SPRR2B: variants seen among roughly 807,000 people sequenced by gnomAD.
SPRR2B encodes small proline-rich protein 2B.
In SPRR2B, 1 loss-of-function variant was observed where a neutral mutation model predicts 1.0. That is an observed-to-expected ratio of 1.01 (90% CI 0.36 to 4.77). The LOEUF (loss-of-function observed/expected upper bound fraction) is 4.77. SPRR2B is among the 30% of genes most tolerant of loss of function. SPRR2B has a pLI of 0.16. For synonymous variants in SPRR2B, 27 were observed against 33.4 expected (o/e 0.81, Z 0.66); for missense variants, 53 against 88.7 (o/e 0.60, Z 1.62).
chr1:153,070,793 G>A lies in SPRR2B; in HGVS notation c.47C>T (p.Pro16Leu), dbSNP rs1654646904. ...TGGGCACTTTGGCGTGGGGCACACAGGAGGTGGCTGGCAGGGCTGCTTGCA... is the reference window on the plus strand; with the variant it reads ...TGGGCACTTTGGCGTGGGGCACACAAGAGGTGGCTGGCAGGGCTGCTTGCA... ...QQCKQPCQPP[P>L]VCPTPKCPEP... is the part of the protein sequence containing the mutation. Residue 16 changes from proline (P) to leucine (L), a missense_variant, in exon 2 of 2, where the codon CCT (proline) becomes CTT (leucine). By Grantham distance (98) the Pro-to-Leu change is moderately conservative (BLOSUM62 -3). Coordinates refer to ENST00000368755, the MANE Select transcript of SPRR2B (RefSeq NM_001388198.1). 1 of 1,599,776 alleles carries A rather than the reference G, an allele frequency of 6.3e-7. No individual in the cohort carries two copies. The highest frequency in any genetic ancestry group is 1.4e-5 in the African/African-American group (1 of 73,348).
the SPRR2B span, among the ~76,000 whole-genome samples, chr1:153,087,177 G>T: frequency 2.0e-5 from 3 of 152,094 alleles, no homozygotes; most frequent in African/African-American, 7.2e-5. Context: ...CTACTCGAGA[G>T]GCTAAGGCAG....
upstream of SPRR2B, among the ~76,000 whole-genome samples, chr1:153,076,556 T>C (rs1654769626): frequency 2.0e-5 from 3 of 152,320 alleles, no homozygotes; most frequent in Admixed American, 2.0e-4. Flanking sequence ...AACTCTTACA[T>C]AGGATGAGAG....
chr1:153,081,217 C>T, the SPRR2B span, among the ~76,000 whole-genome samples: 3 of 152,130 alleles, frequency 2.0e-5, no homozygotes, highest in Admixed American at 1.3e-4. Context: ...CTAAGAAATC[C>T]TTAAGAATCC....
chr1:153,073,860 T>C (rs1460446423), upstream of SPRR2B, among the ~76,000 whole-genome samples: 2 of 152,324 alleles, frequency 1.3e-5, no homozygotes, highest in Admixed American at 6.5e-5. Context: ...GATCATTAAG[T>C]ATGAATGATT....
the SPRR2B span, among the ~76,000 whole-genome samples, chr1:153,077,756 A>G: frequency 6.6e-6 from 1 of 152,160 alleles, no homozygotes; most frequent in South Asian, 2.1e-4. Context: ...GTAGAAGTAC[A>G]GGCATGTGCC....
the SPRR2B span, among the ~76,000 whole-genome samples, chr1:153,078,246 G>A: frequency 4.1e-4 from 62 of 152,208 alleles, no homozygotes; most frequent in Non-Finnish European, 6.9e-4. Context: ...CATGTAAATA[G>A]TAGCCAAAAG....
rs1262288901 is a variant in SPRR2B, at chr1:153,070,237, A to G, written c.*384T>C. The G allele has an allele frequency of 9.0e-6, 4 of 442,096 alleles. No homozygotes were observed. Among genetic ancestry groups the G allele is most frequent in the African/African-American group, 6.0e-5 (3 of 49,904 alleles). 27.4% of individuals were successfully genotyped at this position (442,096 alleles called of 1,614,324 possible). On this transcript the variant is annotated 3_prime_UTR_variant, in exon 2 of 2. Coordinates refer to ENST00000368755, the MANE Select transcript of SPRR2B (RefSeq NM_001388198.1). ...CCCATTCACAAATATATATGCATAGATACTTTATTCAGGGAGTGAAAGAAA... is the reference window on the plus strand; with the variant it reads ...CCCATTCACAAATATATATGCATAGGTACTTTATTCAGGGAGTGAAAGAAA...
chr1:153,074,110 C>T (rs183663589), upstream of SPRR2B, among the ~76,000 whole-genome samples: 65 of 152,218 alleles, frequency 4.3e-4, no homozygotes, highest in African/African-American at 1.4e-3. Context: ...AAATACTTAC[C>T]TCTAGTAAAT....
the SPRR2B span, among the ~76,000 whole-genome samples, chr1:153,087,072 A>G: frequency 3.3e-5 from 5 of 152,166 alleles, no homozygotes; most frequent in African/African-American, 1.2e-4. Context: ...CAGTGTTAAG[A>G]GGGAAATTTA....
chr1:153,084,007 C>T, the SPRR2B span, among the ~76,000 whole-genome samples: 1 of 152,182 alleles, frequency 6.6e-6, no homozygotes, highest in Non-Finnish European at 1.5e-5. Flanking sequence ...ACTCTCTGGT[C>T]AGCTGGTGTC....
Position 153,070,486 on chromosome 1 carries a change from C to A in SPRR2B, c.*135G>T, listed in dbSNP as rs1654631199. 6.9e-7 allele frequency: 1 copy of A among 1,459,822 alleles called. No individual in the cohort carries two copies. The highest frequency in any genetic ancestry group is 9.2e-7 in the Non-Finnish European group (1 of 1,085,722). 90.4% of individuals were successfully genotyped at this position (1,459,822 alleles called of 1,614,324 possible). A position where few individuals can be genotyped will look rare whatever the true frequency, so the allele number is the denominator to read the frequency against. The stretch of plus-strand genomic sequence containing the variant: ...TTTTGCTATCAGGGAACATCATGGG[C>A]AGATCACAGGCTAAGGGGAAAGAAG... On this transcript the variant is annotated 3_prime_UTR_variant, in exon 2 of 2. Transcript: ENST00000368755.
chr1:153,087,029 C>T, the SPRR2B span, among the ~76,000 whole-genome samples: 1 of 152,084 alleles, frequency 6.6e-6, no homozygotes, highest in Non-Finnish European at 1.5e-5. Flanking sequence ...TCTTAAGCTA[C>T]AACATACCAG....
the SPRR2B span, among the ~76,000 whole-genome samples, chr1:153,087,031 A>C: frequency 1.3e-5 from 2 of 152,204 alleles, no homozygotes; most frequent in African/African-American, 2.4e-5. Context: ...TTAAGCTACA[A>C]CATACCAGAA....
chr1:153,082,027 G>A, the SPRR2B span, among the ~76,000 whole-genome samples: 23 of 152,010 alleles, frequency 1.5e-4, no homozygotes, highest in South Asian at 1.7e-3. Flanking sequence ...CTGTCATTTC[G>A]CCATGTTGGG....
the SPRR2B span, among the ~76,000 whole-genome samples, chr1:153,076,803 G>A: frequency 3.9e-5 from 6 of 152,156 alleles, no homozygotes; most frequent in Admixed American, 3.9e-4. Context: ...CTACCAAGAT[G>A]TCCTTCAATA....
the SPRR2B span, among the ~76,000 whole-genome samples, chr1:153,085,139 C>A: frequency 6.6e-6 from 1 of 152,108 alleles, no homozygotes; most frequent in South Asian, 2.1e-4. Flanking sequence ...TCCAAACAAC[C>A]ACACAGCCTC....
At chr1:153,084,195 G>T in the SPRR2B span, among the ~76,000 whole-genome samples, 1 of 152,116 alleles carries the variant, frequency 6.6e-6, no homozygotes, top group Admixed American at 6.5e-5. Flanking sequence ...AGCTTCCCCT[G>T]GGCCCAGAGC....
rs117850648 is a variant in SPRR2B, at chr1:153,070,436, G to A, written c.*185C>T. On this transcript the variant is annotated 3_prime_UTR_variant, in exon 2 of 2. Transcript: ENST00000368755. ...CTCAGTCTCCACCTGGACAGTGGCAGTATGGCAGCCTTAGAAAGGAAACCT... is the reference window on the plus strand; with the variant it reads ...CTCAGTCTCCACCTGGACAGTGGCAATATGGCAGCCTTAGAAAGGAAACCT... 1,423 of 1,181,714 alleles carry A rather than the reference G, an allele frequency of 1.2e-3. 31 individuals are homozygous for A. In the East Asian group the frequency reaches 0.034, roughly 28 times the overall value. The allele number at this position is 1,181,714 out of a possible 1,614,324, so 73.2% of individuals were successfully genotyped here.
At chr1:153,077,278 T>G in the SPRR2B span, among the ~76,000 whole-genome samples, 1 of 152,178 alleles carries the variant, frequency 6.6e-6, no homozygotes, top group East Asian at 1.9e-4. Context: ...AGGGCAAAAT[T>G]ATGGCATTTC....
Sources: gnomAD v4.1 joint callset for allele counts (sites outside exome capture counted in the v4.1 genomes callset) on GRCh38, gnomAD v4.1.1 for gene constraint, MANE v1.5 for transcripts, NCBI Gene and HGNC (gene_info 2026-07-23, HGNC 2026-07-21) for gene names.